CLVS1: variants seen among roughly 807,000 people sequenced by gnomAD.
CLVS1 encodes clavesin 1.
CLVS1 carries 10 observed loss-of-function variants against 33.1 expected under a neutral mutation model. The ratio of observed to expected loss-of-function variants is 0.30; its 90% CI spans 0.19 to 0.51. The LOEUF (loss-of-function observed/expected upper bound fraction) is 0.51. Ranked by LOEUF, CLVS1 falls within the 20% of genes least tolerant of loss-of-function variation. The pLI, the probability that CLVS1 is intolerant of heterozygous loss-of-function variation, is 0.97. For missense variants in CLVS1, 343 were observed against 433.4 expected, an observed-to-expected ratio of 0.79 and a Z score of 1.85; for synonymous variants, 163 against 166.1, an observed-to-expected ratio of 0.98 and a Z score of 0.14.
At chr8:61,279,237 T>C (rs1720151812) in intron 2 of CLVS1, among the ~76,000 whole-genome samples, 1 of 152,206 alleles carries the variant, frequency 6.6e-6, no homozygotes, top group African/African-American at 2.4e-5. Context: ...CTGGCTCTTA[T>C]TTTGCATCCC....
At chr8:61,075,549 A>G (rs1804895172) in intron 1 of CLVS1, among the ~76,000 whole-genome samples, 1 of 152,230 alleles carries the variant, frequency 6.6e-6, no homozygotes, top group Admixed American at 6.5e-5. Flanking sequence ...CTAACCTTAA[A>G]CTAAGATGGA....
intron 2 of CLVS1, among the ~76,000 whole-genome samples, chr8:61,269,148 T>C (rs1312318014): frequency 6.7e-6 from 1 of 149,254 alleles, no homozygotes; most frequent in East Asian, 2.0e-4. Context: ...TTTATGGTTT[T>C]AGGTCTAACG....
chr8:61,176,378 C>G lies in CLVS1; in HGVS notation c.-152+44518C>G, dbSNP rs560572079. ...ACTAACCCCGGACTCATAAACAAGC[C>G]CAGCCAAGATTGACAAGGCCCACCC... On this transcript the variant is annotated intron_variant, in intron 2 of 2. Coordinates refer to the CLVS1 transcript ENST00000522621. Among the ~76,000 whole-genome samples, 10 of 152,296 alleles carry G rather than the reference C, an allele frequency of 6.6e-5. 1 individual carries two copies. In the South Asian group the frequency reaches 1.9e-3, roughly 28 times the overall value.
chr8:61,040,081 G>A, the CLVS1 span, among the ~76,000 whole-genome samples: 1 of 152,148 alleles, frequency 6.6e-6, no homozygotes, highest in South Asian at 2.1e-4. Context: ...ACTTATAAGT[G>A]AGAACATGCA....
chr8:61,314,519 G>A lies in CLVS1; in HGVS notation c.455+14237G>A, dbSNP rs1810946429. Among the ~76,000 whole-genome samples the A allele has an allele frequency of 2.0e-5, 3 of 152,020 alleles. No homozygotes were observed. The South Asian group carries it at 6.2e-4, about 31-fold the overall frequency. On this transcript the variant is annotated intron_variant, in intron 2 of 5. Transcript: ENST00000325897. ...AGCATACAAAAGAACTTAAGAACTT[G>A]AAAAAGCAAAAATAAAATAAAATAA...
intron 3 of CLVS1, among the ~76,000 whole-genome samples, chr8:61,396,545 T>C (rs1814534556): frequency 6.6e-6 from 1 of 152,198 alleles, no homozygotes; most frequent in Non-Finnish European, 1.5e-5. Context: ...ATATAATTCA[T>C]ATGCCATGTA....
chr8:61,329,082 A>G (rs1420677155), intron 2 of CLVS1, among the ~76,000 whole-genome samples: 1 of 151,760 alleles, frequency 6.6e-6, no homozygotes, highest in Non-Finnish European at 1.5e-5. Flanking sequence ...GTTTTTTCTC[A>G]CTTTCCCTAA....
the CLVS1 span, among the ~76,000 whole-genome samples, chr8:61,044,414 C>T: frequency 1.8e-3 from 278 of 152,258 alleles, no homozygotes; most frequent in African/African-American, 6.4e-3. Context: ...TGAGGTCAGG[C>T]AGGCCCAGCA....
At chr8:61,456,547 A>G (rs1817165270) in intron 4 of CLVS1, among the ~76,000 whole-genome samples, 1 of 152,202 alleles carries the variant, frequency 6.6e-6, no homozygotes, top group Non-Finnish European at 1.5e-5. Flanking sequence ...ATGTCATTAC[A>G]TCATGAGTTA....
At chr8:61,392,856 A>G (rs1432132187) in intron 3 of CLVS1, among the ~76,000 whole-genome samples, 3 of 151,906 alleles carry the variant, frequency 2.0e-5, no homozygotes, top group Non-Finnish European at 4.4e-5. Flanking sequence ...AAAAACATAT[A>G]TTTTAAATCA....
chr8:61,343,454 A>G (rs1812097027), intron 2 of CLVS1, among the ~76,000 whole-genome samples: 1 of 152,208 alleles, frequency 6.6e-6, no homozygotes. Context: ...CTGTGACAGT[A>G]TGATTCAGTT....
intron 5 of CLVS1, among the ~76,000 whole-genome samples, chr8:61,482,441 G>T (rs992667813): frequency 2.6e-5 from 4 of 152,196 alleles, no homozygotes; most frequent in Non-Finnish European, 5.9e-5. Context: ...CCATTGCAAA[G>T]AAGCTAAAAA....
intron 1 of CLVS1, among the ~76,000 whole-genome samples, chr8:61,075,083 G>A (rs78225352): frequency 0.046 from 6,962 of 152,084 alleles, 528 homozygotes; most frequent in African/African-American, 0.16. Context: ...TCTTCCGAAG[G>A]CAGCATGCCA....
At chr8:61,128,398 T>C (rs1179309376) in intron 1 of CLVS1, among the ~76,000 whole-genome samples, 3 of 152,258 alleles carry the variant, frequency 2.0e-5, no homozygotes, top group Non-Finnish European at 2.9e-5. Context: ...CAGATGGGTC[T>C]ATTCAGTTGA....
chr8:61,124,592 C>A (rs1043152324), intron 1 of CLVS1, among the ~76,000 whole-genome samples: 4 of 152,182 alleles, frequency 2.6e-5, no homozygotes, highest in Non-Finnish European at 5.9e-5. Flanking sequence ...CCTTCAGACC[C>A]TTTAATGAAA....
intron 2 of CLVS1, among the ~76,000 whole-genome samples, chr8:61,213,281 G>C (rs1267771350): frequency 1.8e-5 from 1 of 56,962 alleles, no homozygotes; most frequent in East Asian, 2.2e-3. Context: ...GGGAGCCTCT[G>C]CTCTTTGACT....
chr8:61,298,335 A>G (rs1438114317), intron 1 of CLVS1, among the ~76,000 whole-genome samples: 1 of 152,208 alleles, frequency 6.6e-6, no homozygotes, highest in Non-Finnish European at 1.5e-5. Flanking sequence ...CTTAGAGAAC[A>G]TCACAGAGAT....
chr8:61,157,628 G>C (rs981917166), intron 2 of CLVS1, among the ~76,000 whole-genome samples: 3 of 149,514 alleles, frequency 2.0e-5, no homozygotes, highest in African/African-American at 7.4e-5. Flanking sequence ...TCACAGACTG[G>C]GAAAAATAAT....
At chr8:61,255,746 C>T (rs1038393993) in intron 2 of CLVS1, among the ~76,000 whole-genome samples, 4 of 151,952 alleles carry the variant, frequency 2.6e-5, no homozygotes, top group Admixed American at 1.3e-4. Flanking sequence ...TCAAAACAAC[C>T]AAAAGATTTG....
Sources: allele counts gnomAD v4.1 joint callset (sites outside exome capture counted in the v4.1 genomes callset), GRCh38; gene constraint gnomAD v4.1.1; transcripts MANE v1.5; gene names NCBI Gene and HGNC (gene_info 2026-07-23, HGNC 2026-07-21).